PACRGL: variants seen among roughly 807,000 people sequenced by gnomAD.
PACRGL encodes the protein parkin coregulated like, also known as PACRG-like protein.
Under a neutral mutation model 34.5 loss-of-function variants are expected in PACRGL, and 38 were observed. That is an observed-to-expected ratio of 1.10 (90% CI 0.85 to 1.44). The LOEUF (loss-of-function observed/expected upper bound fraction) is 1.44, where lower values mean the gene tolerates loss of function less well. Among genes scored for constraint, PACRGL ranks in the 40% most tolerant of loss-of-function variants. PACRGL has a pLI of 0.00. For synonymous variants in PACRGL, 128 were observed against 100.1 expected (o/e 1.28, Z -1.66); for missense variants, 305 against 281.4 (o/e 1.08, Z -0.60).
chr4:20,701,009 G>T (rs1458997544), intron 1 of PACRGL, among the ~76,000 whole-genome samples: 1 of 152,018 alleles, frequency 6.6e-6, no homozygotes, highest in Non-Finnish European at 1.5e-5. Flanking sequence ...TTACTTTCTG[G>T]TAAAAAAGGG....
chr4:20,712,550 G>A (rs1000772323), intron 5 of PACRGL: 4 of 326,988 alleles, frequency 1.2e-5, no homozygotes, highest in East Asian at 4.8e-5. Context: ...TAGTATCCAC[G>A]GGTTTTGGTA....
Position 20,729,869 on chromosome 4 carries a change from C to T in PACRGL, c.*2528C>T. The T allele has an allele frequency of 2.2e-6, 1 of 444,588 alleles. No homozygotes were observed. The allele number at this position is 444,588 out of a possible 1,614,324, so 27.5% of individuals were successfully genotyped here. On this transcript the variant is annotated 3_prime_UTR_variant, in exon 9 of 9. Transcript: ENST00000503585. ...TCACAGAGTATGAAATGAGTTAGAC[C>T]ATCCCCTGAACTCAGTGGCATTATG...
chr4:20,764,875 A>G, the PACRGL span, among the ~76,000 whole-genome samples: 3,186 of 152,296 alleles, frequency 0.021, 127 homozygotes, highest in African/African-American at 0.072. Context: ...GCCGGACCAC[A>G]TCACCACAAT....
intron 8 of PACRGL, among the ~76,000 whole-genome samples, chr4:20,748,246 T>C (rs1752792876): frequency 1.3e-5 from 2 of 152,124 alleles, no homozygotes. Context: ...TTGTGTATTC[T>C]ATCTTCTTGA....
chr4:20,746,853 T>A (rs1752521683), intron 8 of PACRGL, among the ~76,000 whole-genome samples: 1 of 152,168 alleles, frequency 6.6e-6, no homozygotes, highest in African/African-American at 2.4e-5. Flanking sequence ...TTACCCTTTA[T>A]CGTAGAATCA....
chr4:20,706,449 C>G (rs970982046), intron 3 of PACRGL, among the ~76,000 whole-genome samples: 1 of 152,008 alleles, frequency 6.6e-6, no homozygotes. Flanking sequence ...ACTTTCTTAT[C>G]GGATATGCTT....
intron 7 of PACRGL, among the ~76,000 whole-genome samples, chr4:20,723,488 TCTG>T (rs1253218490): frequency 6.6e-6 from 1 of 151,606 alleles, no homozygotes; most frequent in African/African-American, 2.4e-5. Flanking sequence ...AGCAAGGACA[TCTG>T]CTGAGAAAAT....
intron 4 of PACRGL, among the ~76,000 whole-genome samples, chr4:20,709,478 CAT>C (rs1329342969): frequency 6.6e-6 from 1 of 152,164 alleles, no homozygotes; most frequent in Non-Finnish European, 1.5e-5. Context: ...AACCTTAACA[CAT>C]GTGGGTCACT....
chr4:20,718,363 C>G (rs1481525602), intron 7 of PACRGL, among the ~76,000 whole-genome samples: 3 of 152,130 alleles, frequency 2.0e-5, no homozygotes, highest in Non-Finnish European at 4.4e-5. Flanking sequence ...ACTTCCAACA[C>G]TATGTTGAAT....
chr4:20,747,738 G>C (rs11726872), intron 8 of PACRGL, among the ~76,000 whole-genome samples: 9,359 of 152,078 alleles, frequency 0.062, 434 homozygotes, highest in Middle Eastern at 0.13. Context: ...CAGAATCTTC[G>C]CAGTTGTGGT....
chr4:20,714,221 C>A (rs1460785317), intron 7 of PACRGL, among the ~76,000 whole-genome samples: 6 of 152,146 alleles, frequency 3.9e-5, no homozygotes, highest in Admixed American at 1.3e-4. Context: ...GTTAGCTCTT[C>A]TTGTTGAATT....
chr4:20,748,882 A>ATGTGTG lies in PACRGL; in HGVS notation c.*57-3675_*57-3670dup, dbSNP rs139805656. The stretch of plus-strand genomic sequence containing the variant: ...TCATATGAATTACGTGTGTGTGTGT[A>ATGTGTG]TGTGTGTGTGTGTATATATATATAT... On this transcript the variant is annotated intron_variant, in intron 8 of 8. Transcript: ENST00000507634. 1.5e-4 allele frequency among the ~76,000 whole-genome samples: 22 copies of ATGTGTG among 144,432 alleles called. 1 individual carries two copies. In the South Asian group the frequency reaches 3.5e-3, roughly 23 times the overall value. 94.8% of individuals were successfully genotyped at this position (144,432 alleles called of 152,430 possible).
intron 5 of PACRGL, among the ~76,000 whole-genome samples, chr4:20,712,179 CTATTT>C (rs1424178019): frequency 1.3e-5 from 2 of 150,774 alleles, no homozygotes; most frequent in Non-Finnish European, 1.5e-5. Context: ...TCCTTCCTTC[CTATTT>C]TATTTTCTCT....
At chr4:20,720,577 G>A (rs962828032) in intron 7 of PACRGL, among the ~76,000 whole-genome samples, 25 of 152,156 alleles carry the variant, frequency 1.6e-4, no homozygotes, top group East Asian at 9.7e-4. Context: ...TTTGTCCTTC[G>A]CTTATGAAGC....
chr4:20,711,398 A>G (rs1009484005), intron 5 of PACRGL, among the ~76,000 whole-genome samples: 1 of 152,196 alleles, frequency 6.6e-6, no homozygotes, highest in Admixed American at 6.5e-5. Context: ...CAGAAGAACC[A>G]CTGCTGAAAT....
Position 20,731,924 on chromosome 4 carries a change from C to CAGTTCATGGTAG in PACRGL, c.*4584_*4595dup. On this transcript the variant is annotated 3_prime_UTR_variant, in exon 9 of 9. Transcript: ENST00000503585. ...AGGCATATGATCTCTATATTTCGCCCAGTTCATGGTAGCTAGCTGCTAATA... is the reference window on the plus strand; with the variant it reads ...AGGCATATGATCTCTATATTTCGCCCAGTTCATGGTAGAGTTCATGGTAGCTAGCTGCTAATA... The CAGTTCATGGTAG allele has an allele frequency of 6.4e-7, 1 of 1,572,166 alleles. No individual in the cohort carries two copies. Among genetic ancestry groups the CAGTTCATGGTAG allele is most frequent in the Non-Finnish European group, 8.6e-7 (1 of 1,158,578 alleles).
At chr4:20,705,420 G>T (rs1199378494) in intron 3 of PACRGL, among the ~76,000 whole-genome samples, 1 of 152,190 alleles carries the variant, frequency 6.6e-6, no homozygotes, top group Non-Finnish European at 1.5e-5. Flanking sequence ...TGAAGCTCCT[G>T]ACTGACTGTG....
At position 20,729,875 on chromosome 4, in the gene PACRGL, C is replaced by CTGAACTCAGTGGCATTA; in HGVS notation, c.*2539_*2555dup. On this transcript the variant is annotated 3_prime_UTR_variant, in exon 9 of 9. Transcript: ENST00000503585. ...AGTATGAAATGAGTTAGACCATCCCCTGAACTCAGTGGCATTATGAAAAGG... is the reference window on the plus strand; with the variant it reads ...AGTATGAAATGAGTTAGACCATCCCCTGAACTCAGTGGCATTATGAACTCAGTGGCATTATGAAAAGG... 1 of 476,280 alleles carries CTGAACTCAGTGGCATTA rather than the reference C, an allele frequency of 2.1e-6. No homozygotes were observed. Among genetic ancestry groups the CTGAACTCAGTGGCATTA allele is most frequent in the Non-Finnish European group, 3.6e-6 (1 of 275,280 alleles). 29.5% of individuals were successfully genotyped at this position (476,280 alleles called of 1,614,324 possible).
chr4:20,711,553 A>T (rs185504584), intron 5 of PACRGL, among the ~76,000 whole-genome samples: 3 of 152,302 alleles, frequency 2.0e-5, no homozygotes, highest in East Asian at 3.9e-4. Context: ...ATGTTTGATT[A>T]CTATTTGGAA....
Sources: gnomAD v4.1 joint callset for allele counts (sites outside exome capture counted in the v4.1 genomes callset) on GRCh38, gnomAD v4.1.1 for gene constraint, MANE v1.5 for transcripts, NCBI Gene and HGNC (gene_info 2026-07-23, HGNC 2026-07-21) for gene names.